The following THRB variants were observed in gnomAD, a reference collection of about 807,000 sequenced individuals.
The protein encoded by THRB is thyroid hormone receptor beta.
A neutral mutation model predicts 47.8 loss-of-function variants in THRB; 12 were observed. That is an observed-to-expected ratio of 0.25 (90% CI 0.16 to 0.41). The LOEUF is 0.41. THRB is among the 10% of genes least tolerant of loss of function. THRB has a pLI of 1.00. For synonymous variants in THRB, 218 were observed against 212.2 expected, an observed-to-expected ratio of 1.03 and a Z score of -0.24; for missense variants, 348 against 589.2, an observed-to-expected ratio of 0.59 and a Z score of 4.24.
chr3:24,438,402 A>T (rs2071186883), intron 1 of THRB, among the ~76,000 whole-genome samples: 1 of 152,162 alleles, frequency 6.6e-6, no homozygotes, highest in Non-Finnish European at 1.5e-5. Flanking sequence ...ATGTTTTTCT[A>T]ACCTGAAAAG....
intron 5 of THRB, chr3:24,165,507 C>T (rs2039529199): frequency 1.2e-5 from 7 of 587,074 alleles, no homozygotes; most frequent in Non-Finnish European, 1.8e-5. Context: ...ACACCACCAC[C>T]AACACAGCAA....
In THRB at chr3:24,302,231, C is replaced by T. The variant is rs1035848191; in HGVS notation, c.-188-4860G>A. On this transcript the variant is annotated intron_variant, in intron 2 of 10. Transcript: ENST00000646209. Reference sequence around the variant, plus strand: ...GTACCCTCCATTCTGTTGTACTGATCAATTTGTTTACTCCTTTGCCAATAT... The same window carrying T: ...GTACCCTCCATTCTGTTGTACTGATTAATTTGTTTACTCCTTTGCCAATAT... Among the ~76,000 whole-genome samples the T allele has an allele frequency of 4.1e-4, 63 of 152,188 alleles. 1 individual carries two copies. The highest frequency in any genetic ancestry group is 1.3e-4 in the Non-Finnish European group (9 of 68,036).
At chr3:24,135,647 C>T (rs568708822) in intron 8 of THRB, among the ~76,000 whole-genome samples, 79 of 152,008 alleles carry the variant, frequency 5.2e-4, no homozygotes, top group African/African-American at 1.9e-3. Context: ...TACCTGTGTT[C>T]CTCCTTTGGT....
intron 1 of THRB, among the ~76,000 whole-genome samples, chr3:24,344,610 C>A (rs1303144375): frequency 6.6e-6 from 1 of 151,946 alleles, no homozygotes; most frequent in Non-Finnish European, 1.5e-5. Context: ...AAATTCCCAG[C>A]AGTAATTATT....
chr3:24,141,664 T>G (rs889766407), intron 8 of THRB, among the ~76,000 whole-genome samples: 1 of 152,272 alleles, frequency 6.6e-6, no homozygotes, highest in Admixed American at 6.5e-5. Flanking sequence ...ACCTTATGAC[T>G]ACTTAAACAA....
chr3:24,316,776 T>C (rs1037518550), intron 2 of THRB, among the ~76,000 whole-genome samples: 7 of 152,146 alleles, frequency 4.6e-5, no homozygotes, highest in African/African-American at 1.7e-4. Flanking sequence ...ACCAGTCCTA[T>C]TCCTAACTTC....
chr3:24,244,458 G>T, intron 3 of THRB, among the ~76,000 whole-genome samples: 1 of 152,118 alleles, frequency 6.6e-6, no homozygotes, highest in East Asian at 1.9e-4. Context: ...TATTGGTAAA[G>T]AAATGTAATT....
At chr3:24,486,247 G>C (rs1697275052) in intron 1 of THRB, among the ~76,000 whole-genome samples, 1 of 152,160 alleles carries the variant, frequency 6.6e-6, no homozygotes, top group African/African-American at 2.4e-5. Context: ...ATAGCGTAGA[G>C]GAATTACCAG....
intron 1 of THRB, among the ~76,000 whole-genome samples, chr3:24,395,300 C>T (rs1025085741): frequency 1.3e-5 from 2 of 151,932 alleles, no homozygotes; most frequent in African/African-American, 4.8e-5. Flanking sequence ...TTTTGTGCTT[C>T]AGTGAAGGCC....
intron 4 of THRB, among the ~76,000 whole-genome samples, chr3:24,201,214 A>C (rs574982352): frequency 2.1e-4 from 32 of 151,878 alleles, no homozygotes; most frequent in Non-Finnish European, 4.0e-4. Context: ...CCCCTGAAAC[A>C]TTTCAATTTC....
At chr3:24,445,661 G>A (rs1199415919) in intron 1 of THRB, among the ~76,000 whole-genome samples, 4 of 151,992 alleles carry the variant, frequency 2.6e-5, no homozygotes, top group Non-Finnish European at 4.4e-5. Flanking sequence ...AAATAGTCAC[G>A]ACACAGAGAG....
chr3:24,441,593 G>A (rs533208047), intron 1 of THRB, among the ~76,000 whole-genome samples: 3 of 152,168 alleles, frequency 2.0e-5, no homozygotes, highest in Admixed American at 1.3e-4. Flanking sequence ...GAGTATTATT[G>A]AATGAACCGA....
At chr3:24,436,622 G>C (rs375177379) in intron 1 of THRB, among the ~76,000 whole-genome samples, 1 of 152,096 alleles carries the variant, frequency 6.6e-6, no homozygotes, top group South Asian at 2.1e-4. Flanking sequence ...CAAGTTACCA[G>C]AACACATTCT....
intron 3 of THRB, among the ~76,000 whole-genome samples, chr3:24,269,442 C>CA (rs58200122): frequency 7.1e-6 from 1 of 141,044 alleles, no homozygotes; most frequent in Non-Finnish European, 1.5e-5. Context: ...CACACACACA[C>CA]TTAAGTTATC....
At chr3:24,378,668 C>T (rs1013186508) in intron 1 of THRB, among the ~76,000 whole-genome samples, 5 of 152,094 alleles carry the variant, frequency 3.3e-5, no homozygotes, top group African/African-American at 1.2e-4. Context: ...CAGGGAGACA[C>T]ATGGGAGATG....
At chr3:24,230,205 A>G (rs2048112634) in intron 3 of THRB, among the ~76,000 whole-genome samples, 2 of 152,216 alleles carry the variant, frequency 1.3e-5, no homozygotes, top group Admixed American at 6.5e-5. Flanking sequence ...TGCAGCAATG[A>G]CTTCAAACCT....
chr3:24,146,296 CTG>C (rs775518745), intron 7 of THRB, among the ~76,000 whole-genome samples: 103 of 152,322 alleles, frequency 6.8e-4, no homozygotes, highest in Admixed American at 1.7e-3. Context: ...CATGTGAACA[CTG>C]TGTATAGAAT....
At chr3:24,229,076 T>C in intron 3 of THRB, 75 bp from the exon 4 acceptor site, 10 of 892,492 alleles carry the variant, frequency 1.1e-5, no homozygotes, top group Non-Finnish European at 1.7e-5. Context: ...CCAAACAATA[T>C]CATATGCATT....
Position 24,337,342 on chromosome 3 carries a change from A to C in THRB, c.-231T>G, listed in dbSNP as rs572372574. Reference sequence around the variant, plus strand: ...CATGTGTGGAACTTGGCACCCACGCAGGACAGCCAACCAGAAGGAAATCGC... The same window carrying C: ...CATGTGTGGAACTTGGCACCCACGCCGGACAGCCAACCAGAAGGAAATCGC... On this transcript the variant is annotated 5_prime_UTR_variant, in exon 2 of 11. Transcript: ENST00000646209. 1 of 152,350 alleles carries C rather than the reference A, an allele frequency of 6.6e-6. No individual in the cohort carries two copies. The highest frequency in any genetic ancestry group is 1.9e-4 in the East Asian group (1 of 5,184). 9.4% of individuals were successfully genotyped at this position (152,350 alleles called of 1,614,324 possible). A position where few individuals can be genotyped will look rare whatever the true frequency, so the allele number is the denominator to read the frequency against.
Sources: allele counts gnomAD v4.1 joint callset (sites outside exome capture counted in the v4.1 genomes callset), GRCh38; gene constraint gnomAD v4.1.1; transcripts MANE v1.5; gene names NCBI Gene and HGNC (gene_info 2026-07-23, HGNC 2026-07-21).